The following PPARGC1A variants were observed in gnomAD, a reference collection of about 807,000 sequenced individuals.
The protein encoded by PPARGC1A is peroxisome proliferator-activated receptor gamma coactivator 1-alpha.
In PPARGC1A, 25 loss-of-function variants were observed where a neutral mutation model predicts 88.7. That is an observed-to-expected ratio of 0.28 (90% CI 0.21 to 0.39). PPARGC1A has a LOEUF of 0.39. Among genes scored for constraint, PPARGC1A ranks in the 10% least tolerant of loss-of-function variants. PPARGC1A has a pLI of 1.00. For missense variants in PPARGC1A, 880 were observed against 968.7 expected, an observed-to-expected ratio of 0.91 and a Z score of 1.22; for synonymous variants, 363 against 355.6, an observed-to-expected ratio of 1.02 and a Z score of -0.24.
chr4:24,067,746 A>G, the PPARGC1A span, among the ~76,000 whole-genome samples: 11 of 152,084 alleles, frequency 7.2e-5, no homozygotes, highest in Non-Finnish European at 1.3e-4. Flanking sequence ...TCTGGAGAAC[A>G]CTCATTAAAA....
the PPARGC1A span, among the ~76,000 whole-genome samples, chr4:24,471,476 T>C: frequency 6.6e-6 from 1 of 152,136 alleles, no homozygotes; most frequent in African/African-American, 2.4e-5. This position sits in a 1 kb window ranked among gnomAD's most constrained non-coding sequence, Gnocchi z 5.4. Context: ...GGCAGCAGAC[T>C]ACAACAGTTA....
At chr4:23,875,290 A>T (rs1488195720) in intron 2 of PPARGC1A, among the ~76,000 whole-genome samples, 1 of 151,944 alleles carries the variant, frequency 6.6e-6, no homozygotes, top group Non-Finnish European at 1.5e-5. Context: ...TTTTTTGTTT[A>T]TTTGCTTAAT....
At chr4:24,171,329 C>T in the PPARGC1A span, among the ~76,000 whole-genome samples, 1 of 151,966 alleles carries the variant, frequency 6.6e-6, no homozygotes, top group African/African-American at 2.4e-5. Context: ...TCCCTTGAAC[C>T]CAGGAGGCAG....
At chr4:24,086,128 C>A in the PPARGC1A span, among the ~76,000 whole-genome samples, 1 of 152,156 alleles carries the variant, frequency 6.6e-6, no homozygotes, top group Non-Finnish European at 1.5e-5. Flanking sequence ...ATGTATGACT[C>A]ATATTTTTTA....
chr4:24,392,525 T>C, the PPARGC1A span, among the ~76,000 whole-genome samples: 1 of 152,152 alleles, frequency 6.6e-6, no homozygotes, highest in Non-Finnish European at 1.5e-5. Context: ...CGATAAAAGG[T>C]ATGTTCCCAT....
chr4:24,158,049 C>T, the PPARGC1A span, among the ~76,000 whole-genome samples: 1 of 151,836 alleles, frequency 6.6e-6, no homozygotes, highest in Non-Finnish European at 1.5e-5. Context: ...GCCCACCTCC[C>T]CACTTTTCCT....
At chr4:24,066,948 C>A in the PPARGC1A span, among the ~76,000 whole-genome samples, 1 of 138,790 alleles carries the variant, frequency 7.2e-6, no homozygotes, top group East Asian at 2.3e-4. Flanking sequence ...TGAAGGCCAA[C>A]ACACATTTCA....
At chr4:24,407,880 A>G in the PPARGC1A span, among the ~76,000 whole-genome samples, 2,065 of 152,304 alleles carry the variant, frequency 0.014, 62 homozygotes, top group East Asian at 0.11. Context: ...ACATAAATAT[A>G]GACTCATTCC....
At chr4:24,332,075 C>A in the PPARGC1A span, among the ~76,000 whole-genome samples, 1 of 151,888 alleles carries the variant, frequency 6.6e-6, no homozygotes, top group East Asian at 1.9e-4. Flanking sequence ...TTGTCCAAAC[C>A]ATTTTTCACA....
At chr4:24,369,285 A>AT in the PPARGC1A span, among the ~76,000 whole-genome samples, 3 of 152,250 alleles carry the variant, frequency 2.0e-5, no homozygotes, top group South Asian at 6.2e-4. Context: ...AAACTAGTCT[A>AT]ACAGCTTCCC....
At chr4:24,324,927 T>G in the PPARGC1A span, among the ~76,000 whole-genome samples, 3 of 152,090 alleles carry the variant, frequency 2.0e-5, no homozygotes, top group Admixed American at 6.6e-5. Flanking sequence ...CAATAATTCC[T>G]CAGCCTCCGC....
chr4:23,953,191 T>A, the PPARGC1A span, among the ~76,000 whole-genome samples: 1 of 152,116 alleles, frequency 6.6e-6, no homozygotes, highest in African/African-American at 2.4e-5. Flanking sequence ...GCTAAATGTG[T>A]TGGATATGTA....
At chr4:23,936,289 C>A in the PPARGC1A span, among the ~76,000 whole-genome samples, 1 of 152,192 alleles carries the variant, frequency 6.6e-6, no homozygotes, top group Non-Finnish European at 1.5e-5. Context: ...CTACTTTGCA[C>A]AGATGGATTG....
the PPARGC1A span, among the ~76,000 whole-genome samples, chr4:24,173,650 G>A: frequency 0.78 from 119,209 of 152,186 alleles, 49,800 homozygotes; most frequent in South Asian, 0.91. Flanking sequence ...GATATGTCGT[G>A]AGGAGCATAT....
intron 2 of PPARGC1A, among the ~76,000 whole-genome samples, chr4:23,869,128 A>G (rs1282219262): frequency 6.6e-6 from 1 of 152,180 alleles, no homozygotes; most frequent in African/African-American, 2.4e-5. Flanking sequence ...CTCAGGGACC[A>G]TCCAGTGGTT....
the PPARGC1A span, among the ~76,000 whole-genome samples, chr4:24,178,902 C>T: frequency 3.9e-5 from 6 of 152,206 alleles, no homozygotes; most frequent in Admixed American, 6.5e-5. Flanking sequence ...TATATCACTA[C>T]AATAGGTTGG....
chr4:24,458,394 G>A, the PPARGC1A span, among the ~76,000 whole-genome samples: 1 of 152,180 alleles, frequency 6.6e-6, no homozygotes, highest in Non-Finnish European at 1.5e-5. Flanking sequence ...CCAGCTACTT[G>A]GGAGGCTGAG....
chr4:24,044,764 T>C, the PPARGC1A span, among the ~76,000 whole-genome samples: 26 of 152,260 alleles, frequency 1.7e-4, no homozygotes, highest in Middle Eastern at 6.8e-3. Flanking sequence ...GGCTGGTCAC[T>C]GGGAAGCACA....
chr4:24,200,165 C>T, the PPARGC1A span, among the ~76,000 whole-genome samples: 6 of 152,072 alleles, frequency 3.9e-5, no homozygotes, highest in African/African-American at 1.4e-4. Flanking sequence ...GATGTATATA[C>T]AGCATGATAC....
Sources: gnomAD v4.1 joint callset for allele counts (sites outside exome capture counted in the v4.1 genomes callset) on GRCh38, gnomAD v4.1.1 for gene constraint, Gnocchi (gnomAD v3.1) non-coding constraint, MANE v1.5 for transcripts, NCBI Gene and HGNC (gene_info 2026-07-23, HGNC 2026-07-21) for gene names.